Variants in SNRNP27 observed in about 807,000 individuals in gnomAD.
The protein encoded by SNRNP27 is U4/U6.U5 small nuclear ribonucleoprotein 27 kDa protein.
Under a neutral mutation model 25.1 loss-of-function variants are expected in SNRNP27, and 22 were observed. The observed-to-expected ratio is 0.88, with a 90% confidence interval of 0.63 to 1.25. The LOEUF (loss-of-function observed/expected upper bound fraction) is 1.25. SNRNP27 is among the 50% of genes most tolerant of loss of function. The probability of loss-of-function intolerance (pLI) is 0.00; values close to 1 mark genes in which losing one functional copy is unlikely to be tolerated. For synonymous variants in SNRNP27, 66 were observed against 64.9 expected, an observed-to-expected ratio of 1.02 and a Z score of -0.08; for missense variants, 150 against 202.3, an observed-to-expected ratio of 0.74 and a Z score of 1.57.
intron 1 of SNRNP27, 105 bp from the exon 2 acceptor site, chr2:69,894,989 T>C: frequency 6.7e-7 from 1 of 1,494,850 alleles, no homozygotes; most frequent in Non-Finnish European, 9.0e-7. Context: ...CTTTTTACCT[T>C]TTTAATGTGA....
intron 2 of SNRNP27, among the ~76,000 whole-genome samples, chr2:69,896,182 C>A (rs556038531): frequency 6.6e-6 from 1 of 152,104 alleles, no homozygotes; most frequent in Non-Finnish European, 1.5e-5. Flanking sequence ...TTGTTAGAAA[C>A]TTTTAATTTA....
At chr2:69,895,794 T>C (rs931283903) in intron 2 of SNRNP27, among the ~76,000 whole-genome samples, 3 of 152,150 alleles carry the variant, frequency 2.0e-5, no homozygotes, top group African/African-American at 7.2e-5. Context: ...TCTCCTGACC[T>C]CGTGATCCAC....
chr2:69,896,316 C>T, intron 2 of SNRNP27, 120 bp from the exon 3 acceptor site: 2 of 917,018 alleles, frequency 2.2e-6, no homozygotes, highest in Non-Finnish European at 3.2e-6. Context: ...AACCTTTTTC[C>T]TCACTTTGCT....
At chr2:69,895,329 G>C in intron 2 of SNRNP27, 115 bp downstream of exon 2, 1 of 1,309,090 alleles carries the variant, frequency 7.6e-7, no homozygotes, top group East Asian at 2.5e-5. Flanking sequence ...TCCTGAAATG[G>C]AGGAAACTTA....
At chr2:69,899,283 C>T (rs570100614) in intron 4 of SNRNP27, among the ~76,000 whole-genome samples, 4 of 152,186 alleles carry the variant, frequency 2.6e-5, no homozygotes, top group East Asian at 1.9e-4. Context: ...TCAGTTATAA[C>T]GTCAGCTCAT....
intron 4 of SNRNP27, among the ~76,000 whole-genome samples, chr2:69,902,656 T>G (rs1387431547): frequency 1.3e-5 from 2 of 150,558 alleles, no homozygotes; most frequent in Admixed American, 6.6e-5. Flanking sequence ...TGCTTCTGCT[T>G]CTTCTGCTGC....
intron 1 of SNRNP27, 115 bp from the exon 2 acceptor site, chr2:69,894,979 C>G: frequency 6.9e-7 from 1 of 1,449,132 alleles, no homozygotes; most frequent in African/African-American, 1.4e-5. Context: ...CTCCCAGCCT[C>G]TTTTTACCTT....
chr2:69,903,468 G>A, intron 5 of SNRNP27: 1 of 474,530 alleles, frequency 2.1e-6, no homozygotes, highest in Non-Finnish European at 3.8e-6. Flanking sequence ...AAATATTTTA[G>A]GACTATAGAT....
intron 3 of SNRNP27, 126 bp downstream of exon 3, chr2:69,896,674 T>G (rs1045395961): frequency 1.3e-5 from 12 of 954,286 alleles, no homozygotes; most frequent in East Asian, 2.9e-5. Context: ...GAGTTTTTTT[T>G]GGTTTTTTTT....
At chr2:69,899,943 T>C (rs1676667014) in intron 4 of SNRNP27, among the ~76,000 whole-genome samples, 1 of 152,008 alleles carries the variant, frequency 6.6e-6, no homozygotes, top group Non-Finnish European at 1.5e-5. Context: ...CCTAGATTGG[T>C]CTTGAACTCA....
Position 69,897,437 on chromosome 2 carries a change from C to T in SNRNP27, c.329C>T (p.Ala110Val), listed in dbSNP as rs1468417192. ...GAAATGATGAAGTTAATGGGATTTGCCTCCTTTGACTCCACAAAAGTAAGT... is the reference window on the plus strand; with the variant it reads ...GAAATGATGAAGTTAATGGGATTTGTCTCCTTTGACTCCACAAAAGTAAGT... ...EIEMMKLMGFASFDSTKGKKV... is the reference protein window; with the variant it reads ...EIEMMKLMGFVSFDSTKGKKV... Residue 110 changes from alanine (A) to valine (V), a missense_variant, in exon 4 of 6, where the codon GCC becomes GTC. Ala to Val is a moderately conservative substitution (Grantham distance 64). Around this residue, in one of 2 missense-constraint regions of SNRNP27, gnomAD observed 142 missense variants for 168.6 expected, o/e 0.84. Transcript: ENST00000244227. 1.9e-6 allele frequency: 3 copies of T among 1,612,770 alleles called. No individual in the cohort carries two copies. Among genetic ancestry groups the T allele is most frequent in the East Asian group, 2.2e-5 (1 of 44,802 alleles).
chr2:69,896,674 T>C, intron 3 of SNRNP27, 126 bp downstream of exon 3: 1 of 954,468 alleles, frequency 1.0e-6, no homozygotes, highest in Non-Finnish European at 1.5e-6. Flanking sequence ...GAGTTTTTTT[T>C]GGTTTTTTTT....
At chr2:69,899,779 G>T (rs1403737672) in intron 4 of SNRNP27, among the ~76,000 whole-genome samples, 1 of 152,168 alleles carries the variant, frequency 6.6e-6, no homozygotes, top group Non-Finnish European at 1.5e-5. Context: ...ACCCATACTG[G>T]AGTACAGTGG....
At position 69,893,975 on chromosome 2, in the gene SNRNP27, G is replaced by A; in HGVS notation, c.-10G>A. 1 of 1,614,006 alleles carries A rather than the reference G, an allele frequency of 6.2e-7. No homozygotes were observed. Among genetic ancestry groups the A allele is most frequent in the Non-Finnish European group, 8.5e-7 (1 of 1,179,924 alleles). On this transcript the variant is annotated 5_prime_UTR_variant, in exon 1 of 6. Coordinates refer to ENST00000244227, the MANE Select transcript of SNRNP27 (RefSeq NM_006857.3). Reference sequence around the variant, plus strand: ...TGTTGCACAGTTGTTTCCGGGAAGCGGGACTCCAAATGGGTCGCAGTCGCA... The same window carrying A: ...TGTTGCACAGTTGTTTCCGGGAAGCAGGACTCCAAATGGGTCGCAGTCGCA...
At chr2:69,894,113 G>C (rs1486619375) in intron 1 of SNRNP27, 95 bp downstream of exon 1, 2 of 1,190,202 alleles carry the variant, frequency 1.7e-6, no homozygotes, top group Non-Finnish European at 1.2e-6. Flanking sequence ...GCGTAGCAGA[G>C]AGGCGGGCCC....
intron 4 of SNRNP27, chr2:69,897,870 C>G (rs954834182): frequency 2.5e-5 from 4 of 158,732 alleles, no homozygotes; most frequent in Non-Finnish European, 4.1e-5. Flanking sequence ...CTTTTGATGC[C>G]CTTAGTCATG....
At chr2:69,899,201 T>A (rs1366876797) in intron 4 of SNRNP27, among the ~76,000 whole-genome samples, 1 of 152,300 alleles carries the variant, frequency 6.6e-6, no homozygotes, top group East Asian at 1.9e-4. Context: ...ATCACACTAA[T>A]TGATGTCAGT....
At chr2:69,896,318 C>A (rs935727222) in intron 2 of SNRNP27, 118 bp from the exon 3 acceptor site, 1 of 933,302 alleles carries the variant, frequency 1.1e-6, no homozygotes, top group Non-Finnish European at 1.6e-6. Context: ...CCTTTTTCCT[C>A]ACTTTGCTAT....
chr2:69,895,310 T>C, intron 2 of SNRNP27, 96 bp downstream of exon 2: 1 of 1,444,878 alleles, frequency 6.9e-7, no homozygotes, highest in Middle Eastern at 1.8e-4. Flanking sequence ...TATAAGGGGA[T>C]TTACGGTTTC....
Sources: allele counts gnomAD v4.1 joint callset (sites outside exome capture counted in the v4.1 genomes callset), GRCh38; gene constraint gnomAD v4.1.1; regional missense constraint gnomAD v4.1.1; transcripts MANE v1.5; gene names NCBI Gene and HGNC (gene_info 2026-07-23, HGNC 2026-07-21).